The following DOCK6 variants were observed in gnomAD, a reference collection of about 807,000 sequenced individuals.
DOCK6 encodes dedicator of cytokinesis 6.
A neutral mutation model predicts 230.3 loss-of-function variants in DOCK6; 167 were observed. That is an observed-to-expected ratio of 0.73 (90% confidence interval 0.64 to 0.82). The LOEUF is 0.82. Ranked by LOEUF, DOCK6 falls within the 40% of genes least tolerant of loss-of-function variation. The pLI is 0.00. For synonymous variants in DOCK6, 1,148 were observed against 1,185.0 expected (o/e 0.97, Z 0.64); for missense variants, 2,598 against 2,825.8 (o/e 0.92, Z 1.83).
At position 11,222,130 on chromosome 19, in the gene DOCK6, G is replaced by GC; in HGVS notation, c.3358dup (p.Ala1120GlyfsTer5). 6.2e-7 allele frequency: 1 copy of GC among 1,613,050 alleles called. No individual in the cohort carries two copies. Among genetic ancestry groups the GC allele is most frequent in the South Asian group, 1.1e-5 (1 of 90,908 alleles). Reference sequence around the variant, plus strand: ...TCACCCTTCAGCCTCAGGTTCGAGGGCCAGTGCCAGCTCCGTCAGCAGGAG... The same window carrying GC: ...TCACCCTTCAGCCTCAGGTTCGAGGGCCCAGTGCCAGCTCCGTCAGCAGGAG... On this transcript the variant is annotated frameshift_variant, in exon 27 of 48. Transcript: ENST00000294618. LOFTEE classifies it high-confidence loss of function. The surrounding 1 kb of genome is among the most constrained non-coding windows in gnomAD (Gnocchi z 4.0).
Position 11,222,859 on chromosome 19 carries a change from G to T in DOCK6, c.3116C>A (p.Thr1039Asn), listed in dbSNP as rs757452677. The T allele has an allele frequency of 6.2e-7, 1 of 1,605,062 alleles. No homozygotes were observed. Among genetic ancestry groups the T allele is most frequent in the Admixed American group, 1.7e-5 (1 of 58,122 alleles). ...GATGCGGGTGAATTCCATGCGCAGG[G>T]TCAGCAGGGCTGCTGGATTAGGGGA... is the stretch of plus-strand genomic sequence containing the variant. ...QSSPNPAALLTLRMEFTRILC... is the reference protein window; with the variant it reads ...QSSPNPAALLNLRMEFTRILC... Residue 1039 changes from threonine (T) to asparagine (N), a missense_variant, in exon 26 of 48, where the codon ACC (threonine) becomes AAC (asparagine). Transcript: ENST00000294618. The surrounding 1 kb of genome is among the most constrained non-coding windows in gnomAD (Gnocchi z 4.0).
intron 13 of DOCK6, among the ~76,000 whole-genome samples, chr19:11,242,770 T>C (rs574225024): frequency 1.3e-5 from 2 of 152,198 alleles, no homozygotes; most frequent in East Asian, 3.9e-4. Flanking sequence ...GTTACAGACT[T>C]GAGCCACTGC....
At position 11,204,170 on chromosome 19, in the gene DOCK6, TGGGGTCTGGGGAG is replaced by T; in HGVS notation, c.5220+17_5220+29del. The T allele has an allele frequency of 7.3e-7, 1 of 1,360,704 alleles. No homozygotes were observed. Among genetic ancestry groups the T allele is most frequent in the South Asian group, 1.3e-5 (1 of 79,008 alleles). The allele number at this position is 1,360,704 out of a possible 1,614,324, so 84.3% of individuals were successfully genotyped here. On this transcript the variant is annotated intron_variant, in intron 40 of 47. Coordinates refer to ENST00000294618, the MANE Select transcript of DOCK6 (RefSeq NM_020812.4). ...TGGGGATGAGGAGTGGGGCTGAGGGTGGGGTCTGGGGAGGGGGTCCTGGGCCCACCTGGTGCAT... is the reference window on the plus strand; with the variant it reads ...TGGGGATGAGGAGTGGGGCTGAGGGTGGGGTCCTGGGCCCACCTGGTGCAT...
chr19:11,231,489 G>A (rs1484860016), intron 22 of DOCK6, among the ~76,000 whole-genome samples: 1 of 152,208 alleles, frequency 6.6e-6, no homozygotes, highest in Non-Finnish European at 1.5e-5. Context: ...TGGAAGCTCA[G>A]GGTCAAGGCC....
chr19:11,233,706 G>A (rs138615437), intron 21 of DOCK6, among the ~76,000 whole-genome samples: 1 of 152,292 alleles, frequency 6.6e-6, no homozygotes, highest in Non-Finnish European at 1.5e-5. Context: ...GGGCATGGCA[G>A]TGCGCGCCTG....
rs544815868 is a variant in DOCK6, at chr19:11,214,665, A to C, written c.4107-16T>G. The stretch of plus-strand genomic sequence containing the variant: ...ATCCTTGGTCCTGGAAGGGGAAAGG[A>C]GGTCTTGGGGGCCCACTCGGGGTGA... On this transcript the variant is annotated splice_polypyrimidine_tract_variant and intron_variant, in intron 32 of 47. Transcript: ENST00000294618. 21 of 1,611,888 alleles carry C rather than the reference A, an allele frequency of 1.3e-5. No individual in the cohort carries two copies. Among genetic ancestry groups the C allele is most frequent in the Non-Finnish European group, 1.7e-5 (20 of 1,179,004 alleles).
chr19:11,216,492 C>T (rs2147764291), intron 30 of DOCK6, among the ~76,000 whole-genome samples: 1 of 152,088 alleles, frequency 6.6e-6, no homozygotes, highest in East Asian at 1.9e-4. Flanking sequence ...ACTGCAACCT[C>T]CACCTCCCGG....
intron 39 of DOCK6, among the ~76,000 whole-genome samples, chr19:11,206,954 C>T (rs1005096912): frequency 4.6e-5 from 7 of 151,958 alleles, no homozygotes; most frequent in African/African-American, 7.3e-5. Context: ...AAGCGAGTCT[C>T]ATCCCGAGTA....
Position 11,245,855 on chromosome 19 carries a change from A to T in DOCK6, c.830T>A (p.Ile277Asn). 6.4e-7 allele frequency: 1 copy of T among 1,568,260 alleles called. No homozygotes were observed. Among genetic ancestry groups the T allele is most frequent in the East Asian group, 2.4e-5 (1 of 42,460 alleles). The change falls in exon 8 of 48, where the codon ATC becomes AAC. Residue 277 changes from isoleucine (I) to asparagine (N), a missense_variant. Physicochemically the swap from Ile to Asn is moderately radical, Grantham distance 149. Coordinates refer to ENST00000294618, the MANE Select transcript of DOCK6 (RefSeq NM_020812.4). ...SLKFEIEIEP[I>N]FGILALYDVR... The stretch of plus-strand genomic sequence containing the variant: ...ATCATACAGAGCCAAGATCCCAAAG[A>T]TGGGCTCAATTTCAATCTCGAACCT...
In DOCK6 at chr19:11,216,904, G is replaced by A. The variant is rs752177500; in HGVS notation, c.3894+10C>T. Reference sequence around the variant, plus strand: ...GCCTCCTCCATCATCTCCTGCCCACGCCCTCAAACCTTGTACTCAAAGGCA... The same window carrying A: ...GCCTCCTCCATCATCTCCTGCCCACACCCTCAAACCTTGTACTCAAAGGCA... On this transcript the variant is annotated intron_variant, in intron 30 of 47. Transcript: ENST00000294618. The A allele has an allele frequency of 2.5e-6, 4 of 1,613,216 alleles. No individual in the cohort carries two copies. The highest frequency in any genetic ancestry group is 1.1e-5 in the South Asian group (1 of 91,060).
At chr19:11,241,557 G>A in intron 14 of DOCK6, 2 of 1,553,770 alleles carry the variant, frequency 1.3e-6, no homozygotes, top group Non-Finnish European at 8.7e-7. Flanking sequence ...CAGGAGAGGT[G>A]AGCCTGGCAG....
chr19:11,212,195 C>A, intron 35 of DOCK6, 44 bp from the exon 36 acceptor site: 1 of 1,584,052 alleles, frequency 6.3e-7, no homozygotes, highest in Non-Finnish European at 8.5e-7. Flanking sequence ...AGTCTCAGAC[C>A]CCAGACCCCA....
rs2079181326 is a variant in DOCK6, at chr19:11,202,195, GA to G, written c.5452-71del. The G allele has an allele frequency of 6.6e-7, 1 of 1,517,252 alleles. No individual in the cohort carries two copies. Among genetic ancestry groups the G allele is most frequent in the Non-Finnish European group, 9.1e-7 (1 of 1,101,084 alleles). The allele number at this position is 1,517,252 out of a possible 1,614,324, so 94.0% of individuals were successfully genotyped here. On this transcript the variant is annotated intron_variant, in intron 43 of 47. Coordinates refer to ENST00000294618, the MANE Select transcript of DOCK6 (RefSeq NM_020812.4). This position sits in a 1 kb window ranked among gnomAD's most constrained non-coding sequence, Gnocchi z 5.3. ...ACAGCCCAAGCCCTGTTCCTGGAGAGAGGGGATCTGGGGACTTTGTCATTTC... is the reference window on the plus strand; with the variant it reads ...ACAGCCCAAGCCCTGTTCCTGGAGAGGGGGATCTGGGGACTTTGTCATTTC...
chr19:11,220,189 G>A (rs2079558888), intron 28 of DOCK6, among the ~76,000 whole-genome samples: 1 of 151,938 alleles, frequency 6.6e-6, no homozygotes, highest in African/African-American at 2.4e-5. Context: ...CCTGACCTCA[G>A]GTGATCCACC....
rs2079843845 is a variant in DOCK6, at chr19:11,236,148, G to A, written c.2392+198C>T. ...GCCCGCCTCGGCCTCCCAAAGTGCT[G>A]GGATGACAGGCGTGAACCGCTGCAC... is the stretch of plus-strand genomic sequence containing the variant. On this transcript the variant is annotated intron_variant, in intron 20 of 47. Coordinates refer to ENST00000294618, the MANE Select transcript of DOCK6 (RefSeq NM_020812.4). The surrounding 1 kb of genome is among the most constrained non-coding windows in gnomAD (Gnocchi z 5.2). 1.4e-5 allele frequency: 9 copies of A among 633,826 alleles called. No homozygotes were observed. The highest frequency in any genetic ancestry group is 4.3e-4 in the Middle Eastern group (1 of 2,322). 39.3% of individuals were successfully genotyped at this position (633,826 alleles called of 1,614,324 possible). A position where few individuals can be genotyped will look rare whatever the true frequency, so the allele number is the denominator to read the frequency against.
intron 28 of DOCK6, among the ~76,000 whole-genome samples, chr19:11,218,623 G>A (rs1568230824): frequency 6.6e-6 from 1 of 150,716 alleles, no homozygotes. Context: ...AATTTTTGTA[G>A]TTTTTGCAGA....
chr19:11,223,619 C>G (rs4804155), intron 24 of DOCK6, among the ~76,000 whole-genome samples: 27,669 of 152,040 alleles, frequency 0.18, 3,136 homozygotes, highest in African/African-American at 0.31. Context: ...TCGACTCTTA[C>G]CATCATTTAT....
At position 11,212,161 on chromosome 19, in the gene DOCK6, CA is replaced by C; in HGVS notation, c.4492-11del. Reference sequence around the variant, plus strand: ...TCACACGGGCAAAGTTCTGCAGGGACAGGGGCGGGAGGGTGGAGCCGGGAGT... The same window carrying C: ...TCACACGGGCAAAGTTCTGCAGGGACGGGGCGGGAGGGTGGAGCCGGGAGT... On this transcript the variant is annotated splice_polypyrimidine_tract_variant and intron_variant, in intron 35 of 47. Transcript: ENST00000294618. The C allele has an allele frequency of 1.9e-6, 3 of 1,604,890 alleles. No homozygotes were observed. Among genetic ancestry groups the C allele is most frequent in the Middle Eastern group, 1.7e-4 (1 of 5,850 alleles).
At position 11,233,342 on chromosome 19, in the gene DOCK6, G is replaced by C; in HGVS notation, c.2579C>G (p.Ala860Gly). The change falls in exon 22 of 48, where the codon GCT becomes GGT. Residue 860 changes from alanine to glycine, a missense_variant. Ala to Gly is a moderately conservative substitution (Grantham distance 60). Transcript: ENST00000294618. ...ACCAGAGCCACGGGCCAGTGTGGCA[G>C]CCTGCACTGTCACTGGAGGGGCCCC... ...PDGAPPVTVQ[A>G]ATLARGSGRP... 6.2e-7 allele frequency: 1 copy of C among 1,613,784 alleles called. No homozygotes were observed. The highest frequency in any genetic ancestry group is 1.1e-5 in the South Asian group (1 of 91,066).
Sources: gnomAD v4.1 joint callset for allele counts (sites outside exome capture counted in the v4.1 genomes callset) on GRCh38, gnomAD v4.1.1 for gene constraint, Gnocchi (gnomAD v3.1) non-coding constraint, MANE v1.5 for transcripts, NCBI Gene and HGNC (gene_info 2026-07-23, HGNC 2026-07-21) for gene names.